PDE1A: variants seen among roughly 807,000 people sequenced by gnomAD.
PDE1A encodes phosphodiesterase 1A, also known as dual specificity calcium/calmodulin-dependent 3',5'-cyclic nucleotide phosphodiesterase 1A.
Under a neutral mutation model 61.7 loss-of-function variants are expected in PDE1A, and 35 were observed. That is an observed-to-expected ratio of 0.57 (90% CI 0.43 to 0.75). PDE1A has a LOEUF of 0.75. Ranked by LOEUF, PDE1A falls within the 30% of genes least tolerant of loss-of-function variation. The pLI is 0.00. For synonymous variants in PDE1A, 232 were observed against 213.2 expected (o/e 1.09, Z -0.77); for missense variants, 597 against 630.6 (o/e 0.95, Z 0.57).
intron 2 of PDE1A, among the ~76,000 whole-genome samples, chr2:182,452,808 T>C (rs1685617263): frequency 6.6e-6 from 1 of 152,144 alleles, no homozygotes; most frequent in South Asian, 2.1e-4. Flanking sequence ...GCAATGCCAG[T>C]GGTTAAACAC....
chr2:182,254,235 C>G (rs1232412869), intron 2 of PDE1A, among the ~76,000 whole-genome samples: 4 of 151,976 alleles, frequency 2.6e-5, no homozygotes, highest in Admixed American at 1.3e-4. Flanking sequence ...ATAGGAAAAC[C>G]AACCAAAAAG....
At chr2:182,210,586 T>C (rs891337296) in intron 7 of PDE1A, among the ~76,000 whole-genome samples, 2 of 152,220 alleles carry the variant, frequency 1.3e-5, no homozygotes, top group Non-Finnish European at 2.9e-5. Context: ...AAATATTTTC[T>C]TCCAGTCTGT....
chr2:182,522,805 G>A (rs570676909), upstream of PDE1A: 29 of 277,012 alleles, frequency 1.0e-4, no homozygotes, highest in Middle Eastern at 1.7e-3. Flanking sequence ...AGAAGAAGCT[G>A]AATTCCTCTC....
At chr2:182,449,083 C>A (rs1047865929) in intron 2 of PDE1A, among the ~76,000 whole-genome samples, 5 of 144,652 alleles carry the variant, frequency 3.5e-5, no homozygotes, top group African/African-American at 1.2e-4. Context: ...CACACACACA[C>A]ACAAACAAAA....
chr2:182,330,674 G>T (rs1697346519), intron 1 of PDE1A, among the ~76,000 whole-genome samples: 1 of 152,108 alleles, frequency 6.6e-6, no homozygotes, highest in Non-Finnish European at 1.5e-5. Flanking sequence ...CATCGCTGCA[G>T]CTCTAGAAAG....
intron 7 of PDE1A, among the ~76,000 whole-genome samples, chr2:182,217,860 G>T (rs182237698): frequency 1.1e-3 from 171 of 152,060 alleles, no homozygotes; most frequent in Non-Finnish European, 1.4e-3. Context: ...ATTCAGTGTG[G>T]AGATTCCTCA....
chr2:182,530,553 G>C, the PDE1A span, among the ~76,000 whole-genome samples: 6 of 152,034 alleles, frequency 3.9e-5, no homozygotes, highest in Non-Finnish European at 5.9e-5. Flanking sequence ...TACCTATAGA[G>C]AAAAAACATT....
upstream of PDE1A, among the ~76,000 whole-genome samples, chr2:182,526,356 A>G (rs1232696737): frequency 2.0e-5 from 3 of 152,206 alleles, no homozygotes; most frequent in Non-Finnish European, 2.9e-5. Flanking sequence ...CATTTATCAA[A>G]CATAGTAATC....
the PDE1A span, among the ~76,000 whole-genome samples, chr2:182,676,191 A>T: frequency 6.6e-6 from 1 of 152,200 alleles, no homozygotes; most frequent in Non-Finnish European, 1.5e-5. Context: ...AAGAAAAGAG[A>T]GAAGATCCAA....
chr2:182,209,840 T>C (rs910910101), intron 7 of PDE1A, among the ~76,000 whole-genome samples: 1 of 152,162 alleles, frequency 6.6e-6, no homozygotes. Context: ...TATGAGTCAA[T>C]TGAACCTCTT....
intron 1 of PDE1A, among the ~76,000 whole-genome samples, chr2:182,416,698 GA>G (rs1207044893): frequency 1.2e-4 from 19 of 152,148 alleles, no homozygotes; most frequent in African/African-American, 4.6e-4. Context: ...GAAAAATAAA[GA>G]AGGCATGTTT....
At chr2:182,687,375 C>T in the PDE1A span, among the ~76,000 whole-genome samples, 1 of 152,210 alleles carries the variant, frequency 6.6e-6, no homozygotes, top group Non-Finnish European at 1.5e-5. Context: ...CGCTGTTCAG[C>T]AATATTCCCT....
chr2:182,410,979 GT>G (rs1302945400), intron 1 of PDE1A, among the ~76,000 whole-genome samples: 1 of 152,156 alleles, frequency 6.6e-6, no homozygotes, highest in East Asian at 1.9e-4. Flanking sequence ...ATCTGCTACA[GT>G]TTTTTCCCTA....
intron 1 of PDE1A, among the ~76,000 whole-genome samples, chr2:182,377,973 A>G (rs1700510034): frequency 6.6e-6 from 1 of 151,730 alleles, no homozygotes; most frequent in Admixed American, 6.6e-5. Context: ...CAGCCTCCTG[A>G]GTAGCTGGGA....
chr2:182,337,962 C>CTA (rs1196304514), intron 1 of PDE1A, among the ~76,000 whole-genome samples: 1 of 152,172 alleles, frequency 6.6e-6, no homozygotes, highest in African/African-American at 2.4e-5. Context: ...GCCATTAGGT[C>CTA]TATATCACAT....
chr2:182,416,967 C>T (rs1356058182), intron 1 of PDE1A, among the ~76,000 whole-genome samples: 1 of 152,174 alleles, frequency 6.6e-6, no homozygotes, highest in African/African-American at 2.4e-5. Context: ...TTTGGAAATG[C>T]TGAGCTCAAG....
At chr2:182,560,586 G>C in the PDE1A span, among the ~76,000 whole-genome samples, 2 of 151,938 alleles carry the variant, frequency 1.3e-5, no homozygotes, top group Non-Finnish European at 2.9e-5. Flanking sequence ...CCCAGTAATG[G>C]GATGGCTGGG....
chr2:182,552,890 C>CT, the PDE1A span, among the ~76,000 whole-genome samples: 1 of 152,102 alleles, frequency 6.6e-6, no homozygotes, highest in African/African-American at 2.4e-5. Flanking sequence ...TCGAGCTGAG[C>CT]TTTCGCTCGC....
intron 2 of PDE1A, among the ~76,000 whole-genome samples, chr2:182,480,497 C>T (rs983143155): frequency 6.6e-6 from 1 of 152,022 alleles, no homozygotes; most frequent in Middle Eastern, 3.4e-3. Context: ...ATTCAACCAA[C>T]TGTGGATGGA....
Sources: gnomAD v4.1 joint callset for allele counts (sites outside exome capture counted in the v4.1 genomes callset) on GRCh38, gnomAD v4.1.1 for gene constraint, MANE v1.5 for transcripts, NCBI Gene and HGNC (gene_info 2026-07-23, HGNC 2026-07-21) for gene names.